Variants in FMN1 observed in about 807,000 individuals in gnomAD.
FMN1 encodes formin-1.
A neutral mutation model predicts 132.4 loss-of-function variants in FMN1; 110 were observed. The observed-to-expected ratio is 0.83, with a 90% confidence interval of 0.71 to 0.97. The LOEUF is 0.97. Among genes scored for constraint, FMN1 ranks in the 50% least tolerant of loss-of-function variants. The probability of loss-of-function intolerance (pLI) is 0.00; values close to 1 mark genes in which losing one functional copy is unlikely to be tolerated. For synonymous variants in FMN1, 722 were observed against 651.7 expected (o/e 1.11, Z -1.64); for missense variants, 1,792 against 1,705.3 (o/e 1.05, Z -0.90).
intron 9 of FMN1, among the ~76,000 whole-genome samples, chr15:32,947,730 C>A (rs2061540260): frequency 6.6e-6 from 1 of 151,968 alleles, no homozygotes; most frequent in Non-Finnish European, 1.5e-5. Context: ...ACCATATTTG[C>A]TTAGATTTAT....
intron 19 of FMN1, among the ~76,000 whole-genome samples, chr15:32,784,354 T>A (rs2056777683): frequency 6.6e-6 from 1 of 151,970 alleles, no homozygotes; most frequent in Admixed American, 6.6e-5. Flanking sequence ...ATGTATGTTT[T>A]TAGACAAAAA....
At chr15:33,092,563 C>A (rs2038941955) in intron 4 of FMN1, among the ~76,000 whole-genome samples, 1 of 152,134 alleles carries the variant, frequency 6.6e-6, no homozygotes, top group African/African-American at 2.4e-5. Context: ...ACATGGTCCT[C>A]GGGAGCTTCG....
At position 33,018,126 on chromosome 15, in the gene FMN1, G is replaced by C. The variant is rs78096722; in HGVS notation, c.2162-10051C>G. On this transcript the variant is annotated intron_variant, in intron 6 of 20. Coordinates refer to ENST00000616417, the MANE Select transcript of FMN1 (RefSeq NM_001277313.2). ...CTACCCCCTTAAGGTGATGGTACTA[G>C]GAGATGGAGCCTTTGGGAGGTGATC... Among the ~76,000 whole-genome samples the C allele has an allele frequency of 7.4e-3, 1,119 of 152,118 alleles. 17 individuals carry two copies. Among genetic ancestry groups the C allele is most frequent in the African/African-American group, 0.024 (996 of 41,486 alleles).
At chr15:32,983,171 C>T (rs1365132282) in intron 7 of FMN1, among the ~76,000 whole-genome samples, 1 of 152,118 alleles carries the variant, frequency 6.6e-6, no homozygotes, top group Admixed American at 6.5e-5. Context: ...TAGAATCCTA[C>T]TCAGAAGTAA....
rs569437412 is a variant in FMN1, at chr15:33,140,419, G to C, written c.1867+12629C>G. ...ACAGAGCATCTGAAGTTCAGATCCT[G>C]TTTTGAAGGGGTCTGCTCTAATGGA... On this transcript the variant is annotated intron_variant, in intron 4 of 20. Coordinates refer to ENST00000616417, the MANE Select transcript of FMN1 (RefSeq NM_001277313.2). 3.9e-5 allele frequency among the ~76,000 whole-genome samples: 6 copies of C among 152,310 alleles called. No homozygotes were observed. In the East Asian group the frequency reaches 1.2e-3, roughly 29 times the overall value.
At chr15:32,787,431 A>G (rs949963020) in intron 19 of FMN1, among the ~76,000 whole-genome samples, 3 of 152,166 alleles carry the variant, frequency 2.0e-5, no homozygotes, top group African/African-American at 7.2e-5. Context: ...TCTGGCACCG[A>G]CCACCTCCTG....
At chr15:33,117,912 T>A (rs576552752) in intron 4 of FMN1, among the ~76,000 whole-genome samples, 1 of 152,324 alleles carries the variant, frequency 6.6e-6, no homozygotes, top group Non-Finnish European at 1.5e-5. Context: ...TAGTTTAGGT[T>A]ATGGGTGATG....
chr15:32,832,894 C>G (rs948569359), intron 17 of FMN1, among the ~76,000 whole-genome samples: 1 of 152,088 alleles, frequency 6.6e-6, no homozygotes, highest in Admixed American at 6.5e-5. Flanking sequence ...AAATATGTTG[C>G]CTTCTAATGT....
intron 2 of FMN1, among the ~76,000 whole-genome samples, chr15:33,188,895 GT>G (rs1403495230): frequency 6.6e-6 from 1 of 152,078 alleles, no homozygotes; most frequent in African/African-American, 2.4e-5. Context: ...TCCCATCTCA[GT>G]TTTCTCCACT....
At chr15:32,961,849 G>A (rs1447154622) in intron 9 of FMN1, among the ~76,000 whole-genome samples, 2 of 152,230 alleles carry the variant, frequency 1.3e-5, no homozygotes, top group East Asian at 1.9e-4. Context: ...GGTGTGATTC[G>A]TCCTCATGGT....
At chr15:32,995,308 T>C (rs1351056568) in intron 7 of FMN1, among the ~76,000 whole-genome samples, 2 of 152,128 alleles carry the variant, frequency 1.3e-5, no homozygotes, top group Non-Finnish European at 2.9e-5. Context: ...AGAATCTTAG[T>C]TGAGATCTGA....
At chr15:32,876,020 G>A (rs75785791) in intron 16 of FMN1, among the ~76,000 whole-genome samples, 2,239 of 152,022 alleles carry the variant, frequency 0.015, 40 homozygotes, top group East Asian at 0.083. Flanking sequence ...ACCATAGGCA[G>A]GTAAAGTATC....
chr15:32,955,461 C>G (rs1437336879), intron 9 of FMN1, among the ~76,000 whole-genome samples: 2 of 152,292 alleles, frequency 1.3e-5, no homozygotes, highest in East Asian at 3.9e-4. Flanking sequence ...TCACATACTT[C>G]TAGCTTGGAA....
At chr15:33,041,093 T>G (rs1368306279) in intron 6 of FMN1, among the ~76,000 whole-genome samples, 2 of 151,748 alleles carry the variant, frequency 1.3e-5, no homozygotes, top group African/African-American at 4.8e-5. Flanking sequence ...ATGTCAAGAA[T>G]GCAGAGGTGG....
intron 20 of FMN1, among the ~76,000 whole-genome samples, chr15:32,775,133 G>A (rs1377638146): frequency 6.6e-6 from 1 of 152,178 alleles, no homozygotes; most frequent in Non-Finnish European, 1.5e-5. Context: ...AAGCCTTTGA[G>A]AATGGATCCT....
intron 7 of FMN1, among the ~76,000 whole-genome samples, chr15:32,974,729 T>C (rs974047866): frequency 3.3e-5 from 5 of 152,252 alleles, no homozygotes; most frequent in Non-Finnish European, 5.9e-5. Context: ...TTAATCCGTA[T>C]TCTGCTCTAA....
chr15:32,981,580 A>G (rs368089160), intron 7 of FMN1, among the ~76,000 whole-genome samples: 104 of 149,704 alleles, frequency 6.9e-4, no homozygotes, highest in Middle Eastern at 3.5e-3. Context: ...CTGTGCTAAC[A>G]TAAGACTCAA....
intron 7 of FMN1, among the ~76,000 whole-genome samples, chr15:32,978,863 T>A (rs976211236): frequency 6.6e-6 from 1 of 152,196 alleles, no homozygotes; most frequent in African/African-American, 2.4e-5. Flanking sequence ...ACTCCCAACA[T>A]TTAGTACATG....
intron 6 of FMN1, among the ~76,000 whole-genome samples, chr15:33,045,280 T>TAA (rs1275657318): frequency 6.6e-6 from 1 of 152,116 alleles, no homozygotes; most frequent in African/African-American, 2.4e-5. Flanking sequence ...GCTCACTTGT[T>TAA]TACACACCCT....
Sources: allele counts gnomAD v4.1 joint callset (sites outside exome capture counted in the v4.1 genomes callset), GRCh38; gene constraint gnomAD v4.1.1; transcripts MANE v1.5; gene names NCBI Gene and HGNC (gene_info 2026-07-23, HGNC 2026-07-21).